The following BCAS4 variants were observed in gnomAD, a reference collection of about 807,000 sequenced individuals.
The protein encoded by BCAS4 is breast carcinoma amplified sequence 4.
In BCAS4, 9 loss-of-function variants were observed where a neutral mutation model predicts 15.7. The observed-to-expected ratio is 0.57, with a 90% CI of 0.34 to 1.00. The LOEUF is 1.00. BCAS4 is among the 50% of genes least tolerant of loss of function. BCAS4 has a pLI of 0.02. For missense variants in BCAS4, 225 were observed against 239.1 expected (o/e 0.94, Z 0.39); for synonymous variants, 101 against 99.5 (o/e 1.02, Z -0.09).
intron 1 of BCAS4, among the ~76,000 whole-genome samples, chr20:50,796,651 T>G (rs2087868747): frequency 6.7e-6 from 1 of 148,984 alleles, no homozygotes; most frequent in African/African-American, 2.5e-5. Flanking sequence ...TGTGCCACCA[T>G]GCTCAGCTAA....
chr20:50,856,349 C>G (rs376488674), intron 4 of BCAS4, among the ~76,000 whole-genome samples: 4 of 152,312 alleles, frequency 2.6e-5, no homozygotes, highest in African/African-American at 9.6e-5. Context: ...CCTGTTCTGG[C>G]TGATAACATC....
intron 4 of BCAS4, among the ~76,000 whole-genome samples, chr20:50,844,192 A>G (rs1286387690): frequency 6.6e-6 from 1 of 152,054 alleles, no homozygotes; most frequent in Non-Finnish European, 1.5e-5. Flanking sequence ...GCTCATGGCT[A>G]TAATCCCACC....
At chr20:50,802,049 C>G (rs565820246) in intron 1 of BCAS4, among the ~76,000 whole-genome samples, 5 of 151,984 alleles carry the variant, frequency 3.3e-5, no homozygotes, top group Non-Finnish European at 7.4e-5. Context: ...GATTTATCGA[C>G]TTGTACTAGG....
chr20:50,803,220 T>C (rs2087949320), intron 1 of BCAS4, among the ~76,000 whole-genome samples: 1 of 152,154 alleles, frequency 6.6e-6, no homozygotes, highest in South Asian at 2.1e-4. Flanking sequence ...AATAGCCCAG[T>C]GCCCATCAGT....
At chr20:50,813,622 A>G (rs1308535871) in intron 1 of BCAS4, among the ~76,000 whole-genome samples, 3 of 143,756 alleles carry the variant, frequency 2.1e-5, no homozygotes, top group African/African-American at 7.6e-5. Context: ...CCTGAACGAG[A>G]GGATGATGGA....
intron 4 of BCAS4, among the ~76,000 whole-genome samples, chr20:50,876,253 C>T (rs1222564711): frequency 1.3e-5 from 2 of 152,200 alleles, no homozygotes; most frequent in Non-Finnish European, 2.9e-5. Flanking sequence ...GCCTGGGCTG[C>T]CTGGCTCTTC....
In BCAS4 at chr20:50,795,363, G is replaced by A. The variant is rs372701999; in HGVS notation, c.90+190G>A. ...GCGGGTCGTCCCTGCTCGCTCCTCC[G>A]GGCGACACCGGGCCCCGGAGGCCCA... On this transcript the variant is annotated intron_variant, in intron 1 of 4. Coordinates refer to ENST00000371608, the MANE Select transcript of BCAS4 (RefSeq NM_198799.4). 2.5e-4 allele frequency among the ~76,000 whole-genome samples: 38 copies of A among 152,236 alleles called. No individual in the cohort carries two copies. In the East Asian group the frequency reaches 7.4e-3, roughly 30 times the overall value.
intron 4 of BCAS4, among the ~76,000 whole-genome samples, chr20:50,866,733 G>T (rs1273972539): frequency 6.6e-6 from 1 of 152,158 alleles, no homozygotes; most frequent in African/African-American, 2.4e-5. Flanking sequence ...CTCCGGGGGT[G>T]CCTGTGTGCT....
At chr20:50,869,857 T>A (rs1417446163) in intron 4 of BCAS4, among the ~76,000 whole-genome samples, 1 of 149,318 alleles carries the variant, frequency 6.7e-6, no homozygotes, top group Non-Finnish European at 1.5e-5. Context: ...CAAGCAATTC[T>A]CCTGCCTCAG....
intron 4 of BCAS4, among the ~76,000 whole-genome samples, chr20:50,848,845 G>A (rs1008628978): frequency 5.9e-5 from 9 of 152,252 alleles, no homozygotes; most frequent in Admixed American, 3.3e-4. Flanking sequence ...GCCCTTGTCC[G>A]GTCAGAGGAA....
chr20:50,861,581 G>T (rs1289848435), intron 4 of BCAS4, among the ~76,000 whole-genome samples: 1 of 152,126 alleles, frequency 6.6e-6, no homozygotes, highest in Non-Finnish European at 1.5e-5. Flanking sequence ...TGGCAGGTGA[G>T]GGGGGTGCAG....
At position 50,840,578 on chromosome 20, in the gene BCAS4, G is replaced by A. The variant is rs777204969; in HGVS notation, c.265-1188G>A. ...GAAGTAAAATAAGAAGGCAATGCTT[G>A]TGGAATGTACAGTGCATATTGACGG... On this transcript the variant is annotated intron_variant, in intron 3 of 4. Transcript: ENST00000371608. 19 of 1,550,376 alleles carry A rather than the reference G, an allele frequency of 1.2e-5. No homozygotes were observed. In the Middle Eastern group the frequency reaches 6.1e-4, roughly 49 times the overall value.
At chr20:50,825,246 A>C (rs2088265468) in intron 2 of BCAS4, among the ~76,000 whole-genome samples, 1 of 152,000 alleles carries the variant, frequency 6.6e-6, no homozygotes, top group Admixed American at 6.6e-5. Flanking sequence ...TCCTTTAATA[A>C]ATTTTTAATT....
chr20:50,823,574 C>T (rs2088242717), intron 2 of BCAS4, among the ~76,000 whole-genome samples: 1 of 152,152 alleles, frequency 6.6e-6, no homozygotes, highest in South Asian at 2.1e-4. Flanking sequence ...GTAATTCCAG[C>T]TCTCTGAGAG....
intron 3 of BCAS4, among the ~76,000 whole-genome samples, chr20:50,834,843 T>C (rs1365302825): frequency 6.6e-6 from 1 of 152,224 alleles, no homozygotes; most frequent in Non-Finnish European, 1.5e-5. Flanking sequence ...TCACTTGCCA[T>C]AATGGTTTCA....
chr20:50,864,891 T>C (rs1979279520), intron 4 of BCAS4, among the ~76,000 whole-genome samples: 1 of 151,538 alleles, frequency 6.6e-6, no homozygotes, highest in African/African-American at 2.4e-5. Context: ...GTCAGGAGTT[T>C]GAGACCAGCC....
chr20:50,806,772 G>A (rs533575991), intron 1 of BCAS4, among the ~76,000 whole-genome samples: 118 of 151,822 alleles, frequency 7.8e-4, no homozygotes, highest in African/African-American at 2.7e-3. Context: ...TTTTGATACA[G>A]GCATGCAAGG....
At chr20:50,815,956 A>G (rs752301535) in intron 1 of BCAS4, among the ~76,000 whole-genome samples, 74 of 152,248 alleles carry the variant, frequency 4.9e-4, no homozygotes, top group Non-Finnish European at 6.9e-4. Context: ...CATTACAAAA[A>G]TAACAACAGA....
chr20:50,815,424 C>A (rs1410427145), intron 1 of BCAS4, among the ~76,000 whole-genome samples: 1 of 152,198 alleles, frequency 6.6e-6, no homozygotes, highest in Admixed American at 6.5e-5. Context: ...TGCCCCACTC[C>A]TCTCTTTCTC....
Sources: allele counts gnomAD v4.1 joint callset (sites outside exome capture counted in the v4.1 genomes callset), GRCh38; gene constraint gnomAD v4.1.1; transcripts MANE v1.5; gene names NCBI Gene and HGNC (gene_info 2026-07-23, HGNC 2026-07-21).